Variants in PPP2R2B observed in about 807,000 individuals in gnomAD.
PPP2R2B encodes the protein serine/threonine-protein phosphatase 2A 55 kDa regulatory subunit B beta isoform.
Under a neutral mutation model 46.0 loss-of-function variants are expected in PPP2R2B, and 5 were observed. The ratio of observed to expected loss-of-function variants is 0.11; its 90% CI spans 0.06 to 0.23. The LOEUF (loss-of-function observed/expected upper bound fraction) is 0.23, where lower values mean the gene tolerates loss of function less well. PPP2R2B is among the 10% of genes least tolerant of loss of function. The pLI is 1.00. For synonymous variants in PPP2R2B, 215 were observed against 206.7 expected, an observed-to-expected ratio of 1.04 and a Z score of -0.34; for missense variants, 367 against 575.0, an observed-to-expected ratio of 0.64 and a Z score of 3.70.
intron 2 of PPP2R2B, among the ~76,000 whole-genome samples, chr5:146,718,788 G>C (rs140384060): frequency 6.6e-6 from 1 of 152,110 alleles, no homozygotes; most frequent in Admixed American, 6.5e-5. Context: ...AGTCACATAC[G>C]CAGTTTGAAT....
chr5:146,587,526 C>G lies in PPP2R2B; in HGVS notation c.*2421G>C, dbSNP rs1376184190. On this transcript the variant is annotated 3_prime_UTR_variant, in exon 10 of 10. Coordinates refer to ENST00000394411, the MANE Select transcript of PPP2R2B (RefSeq NM_181675.4). ...AAACTGCAAAGGGGCCTATGAACTC[C>G]TTAAACCATGACAAAAATTATTCCT... is the stretch of plus-strand genomic sequence containing the variant. 6.6e-6 allele frequency: 1 copy of G among 152,182 alleles called. No individual in the cohort carries two copies. Among genetic ancestry groups the G allele is most frequent in the Non-Finnish European group, 1.5e-5 (1 of 68,038 alleles). The allele number at this position is 152,182 out of a possible 1,614,324, so 9.4% of individuals were successfully genotyped here.
rs1389407295 is a variant in PPP2R2B, at chr5:146,588,719, A to G, written c.*1228T>C. 6.6e-6 allele frequency: 1 copy of G among 152,154 alleles called. No homozygotes were observed. The highest frequency in any genetic ancestry group is 1.5e-5 in the Non-Finnish European group (1 of 68,034). 9.4% of individuals were successfully genotyped at this position (152,154 alleles called of 1,614,324 possible). A position where few individuals can be genotyped will look rare whatever the true frequency, so the allele number is the denominator to read the frequency against. ...GGATGAACCATCTTCCACAGCTTCA[A>G]GTGGACTTCATTCACTTCATGTCAC... On this transcript the variant is annotated 3_prime_UTR_variant, in exon 10 of 10. Transcript: ENST00000394411.
chr5:146,813,689 C>T lies in PPP2R2B; in HGVS notation c.70+64313G>A, dbSNP rs571927100. Among the ~76,000 whole-genome samples, 25 of 152,274 alleles carry T rather than the reference C, an allele frequency of 1.6e-4. No individual in the cohort carries two copies. The East Asian group carries it at 2.3e-3, about 14-fold the overall frequency. Reference sequence around the variant, plus strand: ...CCTTCTATTTTCCACTGCTCTGCTCCGCTGCTATTTCAGTTATTAGAACAC... The same window carrying T: ...CCTTCTATTTTCCACTGCTCTGCTCTGCTGCTATTTCAGTTATTAGAACAC... On this transcript the variant is annotated intron_variant, in intron 2 of 9. Coordinates refer to ENST00000394411, the MANE Select transcript of PPP2R2B (RefSeq NM_181675.4).
chr5:146,784,826 G>A (rs919576387), intron 2 of PPP2R2B, among the ~76,000 whole-genome samples: 2 of 152,134 alleles, frequency 1.3e-5, no homozygotes, highest in Admixed American at 6.5e-5. Flanking sequence ...CAGTTTCCTG[G>A]TGAGTTCAGA....
At chr5:146,830,678 G>A (rs568413807) in intron 2 of PPP2R2B, among the ~76,000 whole-genome samples, 26 of 152,088 alleles carry the variant, frequency 1.7e-4, no homozygotes, top group Middle Eastern at 3.4e-3. Flanking sequence ...CACCATGTTG[G>A]CTAGGCTGGT....
At chr5:147,030,727 C>T (rs62377605) in intron 1 of PPP2R2B, among the ~76,000 whole-genome samples, 13 of 152,192 alleles carry the variant, frequency 8.5e-5, no homozygotes, top group East Asian at 1.9e-4. Flanking sequence ...ACTACTTCCC[C>T]GAAAGTCTAA....
chr5:146,736,590 C>T (rs1019475355), intron 2 of PPP2R2B, among the ~76,000 whole-genome samples: 2 of 152,194 alleles, frequency 1.3e-5, no homozygotes, highest in Non-Finnish European at 1.5e-5. Flanking sequence ...TAGCAGCCAT[C>T]GTAAGTCTTG....
chr5:146,604,143 CA>C (rs1284653163), intron 7 of PPP2R2B, among the ~76,000 whole-genome samples: 1 of 152,192 alleles, frequency 6.6e-6, no homozygotes, highest in African/African-American at 2.4e-5. Context: ...AAATGTTTAG[CA>C]ATCACACAAA....
intron 1 of PPP2R2B, among the ~76,000 whole-genome samples, chr5:146,982,225 A>G (rs550903540): frequency 6.6e-6 from 1 of 152,082 alleles, no homozygotes; most frequent in Admixed American, 6.5e-5. Flanking sequence ...TTTGCTTTTC[A>G]TTTGTTGCCA....
intron 7 of PPP2R2B, among the ~76,000 whole-genome samples, chr5:146,630,579 A>G (rs909172819): frequency 2.0e-5 from 3 of 152,214 alleles, no homozygotes; most frequent in Admixed American, 6.5e-5. Context: ...TAAGATGTGA[A>G]TAATGGCAGT....
At chr5:146,996,350 G>A (rs1407589060) in intron 1 of PPP2R2B, among the ~76,000 whole-genome samples, 1 of 152,152 alleles carries the variant, frequency 6.6e-6, no homozygotes, top group Non-Finnish European at 1.5e-5. Flanking sequence ...TGAAAGTGTA[G>A]GGTATAATTA....
chr5:146,800,399 T>C (rs1756790242), intron 2 of PPP2R2B, among the ~76,000 whole-genome samples: 1 of 152,098 alleles, frequency 6.6e-6, no homozygotes, highest in Non-Finnish European at 1.5e-5. Context: ...GCTGGCTATT[T>C]CTTTTCCTCC....
At chr5:147,078,465 A>G (rs557210119) in intron 2 of PPP2R2B, among the ~76,000 whole-genome samples, 61 of 152,200 alleles carry the variant, frequency 4.0e-4, no homozygotes, top group African/African-American at 1.4e-3. Context: ...AGTCCACAAC[A>G]TCAGAATTAA....
chr5:146,670,124 T>C (rs1163597575), intron 5 of PPP2R2B, among the ~76,000 whole-genome samples: 1 of 152,204 alleles, frequency 6.6e-6, no homozygotes, highest in Non-Finnish European at 1.5e-5. Context: ...ACACAGTATC[T>C]GTATTATTTT....
intron 7 of PPP2R2B, among the ~76,000 whole-genome samples, chr5:146,600,940 T>C (rs1771723774): frequency 6.6e-6 from 1 of 152,224 alleles, no homozygotes; most frequent in South Asian, 2.1e-4. Context: ...CCATATCCAT[T>C]GGCAGTTACT....
At chr5:146,736,181 A>G (rs1752525789) in intron 2 of PPP2R2B, among the ~76,000 whole-genome samples, 1 of 152,176 alleles carries the variant, frequency 6.6e-6, no homozygotes, top group Non-Finnish European at 1.5e-5. Context: ...CATGTGAAGA[A>G]GGATGTGTTT....
intron 2 of PPP2R2B, among the ~76,000 whole-genome samples, chr5:146,738,608 G>A (rs1000818632): frequency 6.6e-6 from 1 of 152,112 alleles, no homozygotes; most frequent in African/African-American, 2.4e-5. Flanking sequence ...TTAAGCAAAT[G>A]ACGGTTGAAC....
chr5:146,763,734 C>T (rs1754303437), intron 2 of PPP2R2B, among the ~76,000 whole-genome samples: 1 of 152,092 alleles, frequency 6.6e-6, no homozygotes, highest in East Asian at 1.9e-4. Flanking sequence ...AAGACAAGGA[C>T]CCTTCTTTCC....
chr5:146,872,315 G>A (rs1026077044), intron 2 of PPP2R2B, among the ~76,000 whole-genome samples: 3 of 152,192 alleles, frequency 2.0e-5, no homozygotes, highest in African/African-American at 7.2e-5. Flanking sequence ...GTGTAAGGCA[G>A]CTACTTCTCA....
Sources: gnomAD v4.1 joint callset for allele counts (sites outside exome capture counted in the v4.1 genomes callset) on GRCh38, gnomAD v4.1.1 for gene constraint, MANE v1.5 for transcripts, NCBI Gene and HGNC (gene_info 2026-07-23, HGNC 2026-07-21) for gene names.